The following SLC49A4 variants were observed in gnomAD, a reference collection of about 807,000 sequenced individuals.
SLC49A4 encodes disrupted in renal cancer protein 2.
SLC49A4 carries 36 observed loss-of-function variants against 50.6 expected under a neutral mutation model. That is an observed-to-expected ratio of 0.71 (90% CI 0.55 to 0.94). The LOEUF (loss-of-function observed/expected upper bound fraction) is 0.94. Among genes scored for constraint, SLC49A4 ranks in the 40% least tolerant of loss-of-function variants. The pLI is 0.00. For missense variants in SLC49A4, 503 were observed against 605.7 expected (o/e 0.83, Z 1.78); for synonymous variants, 248 against 241.2 (o/e 1.03, Z -0.26).
In SLC49A4 at chr3:122,833,330, C is replaced by T. The variant is rs2107568138; in HGVS notation, c.717C>T (p.Val239=). 1 of 1,612,756 alleles carries T rather than the reference C, an allele frequency of 6.2e-7. No individual in the cohort carries two copies. The highest frequency in any genetic ancestry group is 1.1e-5 in the South Asian group (1 of 91,014). Residue 239 remains valine, a synonymous_variant, in exon 4 of 9, where the codon GTC becomes GTT. Coordinates refer to ENST00000261038, the MANE Select transcript of SLC49A4 (RefSeq NM_032839.3). ...EAVLYAEFGV[V]CLIFSATLAY... The stretch of plus-strand genomic sequence containing the variant: ...TTTTTCTTTCAGAATTTGGAGTTGT[C>T]TGCTTAATATTTTCTGCAACACTAG...
At chr3:122,848,184 A>G (rs1289139265) in intron 5 of SLC49A4, among the ~76,000 whole-genome samples, 1 of 152,144 alleles carries the variant, frequency 6.6e-6, no homozygotes, top group Non-Finnish European at 1.5e-5. Flanking sequence ...TATATTTATT[A>G]TAGGCGTTAA....
intron 8 of SLC49A4, among the ~76,000 whole-genome samples, chr3:122,874,909 G>A (rs1226092215): frequency 6.6e-6 from 1 of 152,188 alleles, no homozygotes; most frequent in Non-Finnish European, 1.5e-5. Context: ...ACTGATGCTA[G>A]GAAGTTAAAT....
chr3:122,821,301 T>C (rs1936448737), intron 2 of SLC49A4, among the ~76,000 whole-genome samples: 3 of 152,152 alleles, frequency 2.0e-5, no homozygotes, highest in Middle Eastern at 6.8e-3. Flanking sequence ...GGGGATGGGA[T>C]GAGCCAGGCT....
intron 4 of SLC49A4, among the ~76,000 whole-genome samples, chr3:122,842,557 T>C (rs936834144): frequency 6.7e-6 from 1 of 149,898 alleles, no homozygotes; most frequent in East Asian, 2.0e-4. Context: ...GACAGGTAGA[T>C]TGGGGTCATA....
At chr3:122,827,215 A>T in intron 3 of SLC49A4, 150 bp downstream of exon 3, 1 of 865,708 alleles carries the variant, frequency 1.2e-6, no homozygotes, top group Non-Finnish European at 1.7e-6. Flanking sequence ...TTGTCATATG[A>T]TATAGAGATG....
chr3:122,852,597 T>A (rs1393254523), intron 5 of SLC49A4, among the ~76,000 whole-genome samples: 1 of 152,224 alleles, frequency 6.6e-6, no homozygotes, highest in Non-Finnish European at 1.5e-5. Context: ...GAGAATCACC[T>A]TAATCTAGTT....
intron 5 of SLC49A4, among the ~76,000 whole-genome samples, chr3:122,854,071 C>A (rs544701262): frequency 1.1e-4 from 17 of 152,296 alleles, no homozygotes; most frequent in Admixed American, 6.5e-5. Flanking sequence ...TAGAGCATGA[C>A]CCCACTCACC....
At chr3:122,873,942 A>G (rs1258928933) in intron 8 of SLC49A4, among the ~76,000 whole-genome samples, 1 of 152,210 alleles carries the variant, frequency 6.6e-6, no homozygotes, top group African/African-American at 2.4e-5. Flanking sequence ...GGATGGTAGA[A>G]GCAGTTTTCC....
intron 4 of SLC49A4, among the ~76,000 whole-genome samples, chr3:122,837,265 G>A (rs1386091225): frequency 6.6e-6 from 1 of 152,156 alleles, no homozygotes; most frequent in Non-Finnish European, 1.5e-5. Flanking sequence ...TCAATTCTAA[G>A]CCAAAAGAAC....
chr3:122,805,047 A>G (rs1936194901), intron 1 of SLC49A4, among the ~76,000 whole-genome samples: 1 of 152,066 alleles, frequency 6.6e-6, no homozygotes. Flanking sequence ...ATGGTCCCCA[A>G]CCTATAAAAA....
At chr3:122,831,320 A>G (rs1471328582) in intron 3 of SLC49A4, among the ~76,000 whole-genome samples, 1 of 152,160 alleles carries the variant, frequency 6.6e-6, no homozygotes, top group African/African-American at 2.4e-5. Flanking sequence ...GTAAAAATGT[A>G]TACATGAGCA....
intron 1 of SLC49A4, among the ~76,000 whole-genome samples, chr3:122,797,927 G>A (rs141691272): frequency 6.6e-6 from 1 of 152,216 alleles, no homozygotes; most frequent in East Asian, 1.9e-4. Flanking sequence ...GCTGCAGTGA[G>A]CTATGATTGC....
chr3:122,867,265 G>A (rs576571250), intron 7 of SLC49A4, among the ~76,000 whole-genome samples: 1 of 152,262 alleles, frequency 6.6e-6, no homozygotes, highest in South Asian at 2.1e-4. Flanking sequence ...TTGGGAAATA[G>A]GCCTTTCATG....
chr3:122,842,112 T>C (rs1936779160), intron 4 of SLC49A4, among the ~76,000 whole-genome samples: 1 of 152,054 alleles, frequency 6.6e-6, no homozygotes, highest in Non-Finnish European at 1.5e-5. Flanking sequence ...TGGGATCATA[T>C]TATGACATAC....
intron 4 of SLC49A4, among the ~76,000 whole-genome samples, chr3:122,837,240 G>C (rs1351101808): frequency 6.6e-6 from 1 of 152,162 alleles, no homozygotes; most frequent in East Asian, 1.9e-4. Context: ...CCAAAAAAGA[G>C]CCCGCAATGC....
intron 1 of SLC49A4, among the ~76,000 whole-genome samples, chr3:122,797,352 G>C (rs1230647799): frequency 6.6e-6 from 1 of 152,204 alleles, no homozygotes; most frequent in Admixed American, 6.5e-5. Flanking sequence ...AAAATGAAGG[G>C]AACTTGTGTG....
intron 2 of SLC49A4, among the ~76,000 whole-genome samples, chr3:122,825,739 C>T (rs1936517202): frequency 6.6e-6 from 1 of 151,844 alleles, no homozygotes; most frequent in African/African-American, 2.4e-5. Flanking sequence ...ACTGTCCCTT[C>T]CCTTTCCTCT....
chr3:122,822,898 A>G, intron 2 of SLC49A4, among the ~76,000 whole-genome samples: 1 of 152,238 alleles, frequency 6.6e-6, no homozygotes, highest in South Asian at 2.1e-4. Context: ...GGTGCCCTCC[A>G]GTATCCACCC....
chr3:122,837,810 T>C (rs1364835131), intron 4 of SLC49A4, among the ~76,000 whole-genome samples: 1 of 151,758 alleles, frequency 6.6e-6, no homozygotes, highest in Non-Finnish European at 1.5e-5. Flanking sequence ...ACAACCTACT[T>C]ATCTGACAAA....
Sources: gnomAD v4.1 joint callset for allele counts (sites outside exome capture counted in the v4.1 genomes callset) on GRCh38, gnomAD v4.1.1 for gene constraint, MANE v1.5 for transcripts, NCBI Gene and HGNC (gene_info 2026-07-23, HGNC 2026-07-21) for gene names.